Variants in ZNF727 observed in about 807,000 individuals in gnomAD.
ZNF727 encodes zinc finger protein 727.
Under a neutral mutation model 11.5 loss-of-function variants are expected in ZNF727, and 11 were observed. That is an observed-to-expected ratio of 0.95 (90% confidence interval 0.60 to 1.58). The LOEUF is 1.58. Ranked by LOEUF, ZNF727 falls within the 40% of genes most tolerant of loss-of-function variation. The pLI is 0.00. For synonymous variants in ZNF727, 171 were observed against 196.1 expected (o/e 0.87, Z 1.07); for missense variants, 533 against 581.7 (o/e 0.92, Z 0.86).
chr7:64,066,202 C>G (rs570476388), intron 1 of ZNF727, among the ~76,000 whole-genome samples: 1 of 152,150 alleles, frequency 6.6e-6, no homozygotes, highest in African/African-American at 2.4e-5. Context: ...TAGGAAGAAT[C>G]AGTATCATGA....
At position 64,077,618 on chromosome 7, in the gene ZNF727, A is replaced by G. The variant is rs1341022673; in HGVS notation, c.569A>G (p.Gln190Arg). 3.2e-6 allele frequency: 5 copies of G among 1,551,968 alleles called. No individual in the cohort carries two copies. Among genetic ancestry groups the G allele is most frequent in the East Asian group, 4.9e-5 (2 of 40,914 alleles). Residue 190 changes from glutamine (Q) to arginine (R), a missense_variant, in exon 4 of 4, where the codon CAG (glutamine) becomes CGG (arginine). Gln to Arg is a conservative substitution (Grantham distance 43). Around this residue, in one of 3 missense-constraint regions of ZNF727, gnomAD observed 463 missense variants for 494.5 expected, o/e 0.94. Coordinates refer to ENST00000456806, the MANE Select transcript of ZNF727 (RefSeq NM_001159522.3). The stretch of plus-strand genomic sequence containing the variant: ...TGTAGGTTGTCAGATTTTACCATAC[A>G]GAAGAGAATTCATACTGCAGATAGA... ...KDCRLSDFTI[Q>R]KRIHTADRSY...
At chr7:64,067,692 A>G (rs1399264310) in intron 1 of ZNF727, among the ~76,000 whole-genome samples, 2 of 152,138 alleles carry the variant, frequency 1.3e-5, no homozygotes, top group African/African-American at 2.4e-5. Context: ...AACAATGAGA[A>G]CATGTGGACA....
chr7:64,051,237 C>T (rs1393759186), intron 1 of ZNF727, among the ~76,000 whole-genome samples: 1 of 152,172 alleles, frequency 6.6e-6, no homozygotes. Context: ...CCAACACATT[C>T]ATGAGGCCAA....
Position 64,077,788 on chromosome 7 carries a change from A to T in ZNF727, c.739A>T (p.Lys247Ter). ...FTCSSALTKHKRNHTGDRPYK... is the reference protein window; with the variant it reads ...FTCSSALTKH ...CTGTTCCTCAGCCCTTACTAAACAC[A>T]AGAGAAATCATACTGGAGACAGACC... The change falls in exon 4 of 4, where the codon AAG (lysine) becomes TAG (stop). Residue 247 changes from lysine (K) to a stop codon, truncating the protein, a stop_gained. Transcript: ENST00000456806. LOFTEE classifies it low-confidence loss of function (END_TRUNC). 1 of 1,572,430 alleles carries T rather than the reference A, an allele frequency of 6.4e-7. No individual in the cohort carries two copies. The highest frequency in any genetic ancestry group is 8.6e-7 in the Non-Finnish European group (1 of 1,158,466).
chr7:64,078,136 A>T lies in ZNF727; in HGVS notation c.1087A>T (p.Met363Leu). The change falls in exon 4 of 4, where the codon ATG becomes TTG. Residue 363 changes from methionine (M) to leucine (L), a missense_variant. Physicochemically the swap from Met to Leu is conservative, Grantham distance 15 (BLOSUM62 2). Around this residue, in one of 3 missense-constraint regions of ZNF727, gnomAD observed 463 missense variants for 494.5 expected, o/e 0.94. Transcript: ENST00000456806. Reference sequence around the variant, plus strand: ...CCTTATTAGCCACAAGAGAATTCATATGGAATTGAGACCTTACAAATGTGA... The same window carrying T: ...CCTTATTAGCCACAAGAGAATTCATTTGGAATTGAGACCTTACAAATGTGA... Reference protein sequence around the residue: ...STLISHKRIHMELRPYKCEEC... With the variant: ...STLISHKRIHLELRPYKCEEC... The T allele has an allele frequency of 6.2e-7, 1 of 1,601,276 alleles. No homozygotes were observed. Among genetic ancestry groups the T allele is most frequent in the East Asian group, 2.3e-5 (1 of 44,030 alleles).
chr7:64,067,040 T>G (rs1789880305), intron 1 of ZNF727, among the ~76,000 whole-genome samples: 1 of 152,142 alleles, frequency 6.6e-6, no homozygotes, highest in African/African-American at 2.4e-5. Flanking sequence ...GCAAGGAACT[T>G]AAACAAATTT....
At chr7:64,063,802 C>T (rs530940289) in intron 1 of ZNF727, among the ~76,000 whole-genome samples, 89 of 152,140 alleles carry the variant, frequency 5.8e-4, no homozygotes, top group East Asian at 2.5e-3. Context: ...CTACTTGGTG[C>T]CCTATTCTGC....
At chr7:64,061,633 G>T (rs972417448) in intron 1 of ZNF727, among the ~76,000 whole-genome samples, 4 of 151,390 alleles carry the variant, frequency 2.6e-5, no homozygotes, top group African/African-American at 9.7e-5. Flanking sequence ...TACCCATTTG[G>T]CCAATCTGTG....
chr7:64,062,645 A>G (rs1331647451), intron 1 of ZNF727, among the ~76,000 whole-genome samples: 1 of 132,822 alleles, frequency 7.5e-6, no homozygotes, highest in Non-Finnish European at 1.6e-5. Flanking sequence ...GTCATATTTA[A>G]GTGAATTGTA....
rs967917726 is a variant in ZNF727, at chr7:64,077,815, T to C, written c.766T>C (p.Tyr256His). ...GAGAAATCATACTGGAGACAGACCC[T>C]ACAAATGCGAAGAATGTCACAAAGC... ...HKRNHTGDRP[Y>H]KCEECHKAFR... The change falls in exon 4 of 4, where the codon TAC becomes CAC. Residue 256 changes from tyrosine (Y) to histidine (H), a missense_variant. Around this residue, in one of 3 missense-constraint regions of ZNF727, gnomAD observed 463 missense variants for 494.5 expected, o/e 0.94. Transcript: ENST00000456806. The C allele has an allele frequency of 3.8e-6, 6 of 1,569,530 alleles. No homozygotes were observed. Among genetic ancestry groups the C allele is most frequent in the Non-Finnish European group, 5.2e-6 (6 of 1,156,960 alleles).
In ZNF727 at chr7:64,081,125, G is replaced by C. The variant is rs1281395136; in HGVS notation, c.*2576G>C. 2.0e-5 allele frequency among the ~76,000 whole-genome samples: 3 copies of C among 152,022 alleles called. No homozygotes were observed. Among genetic ancestry groups the C allele is most frequent in the African/African-American group, 7.2e-5 (3 of 41,396 alleles). ...GGATATGGGGTTTCTGCCTGTCTTT[G>C]GGTATTCACTTCAGTGGCAGGAGCA... is the stretch of plus-strand genomic sequence containing the variant. On this transcript the variant is annotated 3_prime_UTR_variant, in exon 4 of 4. Transcript: ENST00000456806.
At chr7:64,062,465 C>T (rs1377010198) in intron 1 of ZNF727, among the ~76,000 whole-genome samples, 1 of 151,524 alleles carries the variant, frequency 6.6e-6, no homozygotes, top group African/African-American at 2.4e-5. Context: ...TTTTTTCCTT[C>T]AGTACATTAA....
intron 1 of ZNF727, among the ~76,000 whole-genome samples, chr7:64,060,533 T>C (rs776509820): frequency 1.3e-5 from 2 of 152,212 alleles, no homozygotes; most frequent in Admixed American, 1.3e-4. Flanking sequence ...TCCAGCCCCA[T>C]CTTTCAATGC....
intron 1 of ZNF727, among the ~76,000 whole-genome samples, chr7:64,060,838 C>A (rs1444110298): frequency 6.6e-6 from 1 of 151,388 alleles, no homozygotes; most frequent in Non-Finnish European, 1.5e-5. Flanking sequence ...TTGCTATAAA[C>A]CTTCTTAGTA....
Position 64,078,279 on chromosome 7 carries a change from C to A in ZNF727, c.1230C>A (p.Asn410Lys). 6.3e-7 allele frequency: 1 copy of A among 1,594,852 alleles called. No homozygotes were observed. The highest frequency in any genetic ancestry group is 8.5e-7 in the Non-Finnish European group (1 of 1,170,486). ...ECGKSFTCSS[N>K]LIKHKRIHME... ...GCAAAAGCTTTACCTGCTCCTCAAA[C>A]CTTATTAAACACAAGAGAATTCATA... Residue 410 changes from asparagine (N) to lysine (K), a missense_variant, in exon 4 of 4, where the codon AAC becomes AAA. Asn to Lys is a moderately conservative substitution (Grantham distance 94, BLOSUM62 0). Around this residue, in one of 3 missense-constraint regions of ZNF727, gnomAD observed 463 missense variants for 494.5 expected, o/e 0.94. Transcript: ENST00000456806.
chr7:64,078,141 A>G lies in ZNF727; in HGVS notation c.1092A>G (p.Glu364=). Residue 364 remains glutamate, a synonymous_variant, in exon 4 of 4, where the codon GAA becomes GAG. Coordinates refer to ENST00000456806, the MANE Select transcript of ZNF727 (RefSeq NM_001159522.3). ...TLISHKRIHM[E]LRPYKCEECG... ...TTAGCCACAAGAGAATTCATATGGA[A>G]TTGAGACCTTACAAATGTGAAGAAT... is the stretch of plus-strand genomic sequence containing the variant. The G allele has an allele frequency of 6.2e-7, 1 of 1,600,226 alleles. No individual in the cohort carries two copies. The highest frequency in any genetic ancestry group is 8.5e-7 in the Non-Finnish European group (1 of 1,172,730).
Position 64,084,637 on chromosome 7 carries a change from A to G in ZNF727, c.*6088A>G, listed in dbSNP as rs113784452. On this transcript the variant is annotated 3_prime_UTR_variant, in exon 4 of 4. Transcript: ENST00000456806. ...ATGAAGATGAGTATAATGGAGCTAT[A>G]TGTTTCTGAATTCTGAACAACTATT... 0.065 allele frequency among the ~76,000 whole-genome samples: 9,957 copies of G among 152,230 alleles called. 391 individuals carry two copies. The highest frequency in any genetic ancestry group is 0.099 in the African/African-American group (4,101 of 41,546).
chr7:64,063,605 T>G (rs1283188629), intron 1 of ZNF727, among the ~76,000 whole-genome samples: 1 of 140,764 alleles, frequency 7.1e-6, no homozygotes, highest in Non-Finnish European at 1.5e-5. Flanking sequence ...GGCTCTCACA[T>G]AAGGCCCACA....
intron 1 of ZNF727, among the ~76,000 whole-genome samples, chr7:64,055,761 T>C (rs1335409514): frequency 2.0e-5 from 3 of 152,236 alleles, no homozygotes; most frequent in African/African-American, 7.2e-5. Flanking sequence ...TATTCATTGC[T>C]GAAGACATGG....
Sources: gnomAD v4.1 joint callset for allele counts (sites outside exome capture counted in the v4.1 genomes callset) on GRCh38, gnomAD v4.1.1 for gene constraint, gnomAD v4.1.1 regional missense constraint, MANE v1.5 for transcripts, NCBI Gene and HGNC (gene_info 2026-07-23, HGNC 2026-07-21) for gene names.